WWP1: variants seen among roughly 807,000 people sequenced by gnomAD.
WWP1 encodes the protein WW domain containing E3 ubiquitin protein ligase 1, also known as NEDD4-like E3 ubiquitin-protein ligase WWP1.
Under a neutral mutation model 130.6 loss-of-function variants are expected in WWP1, and 49 were observed. The observed-to-expected ratio is 0.38, with a 90% CI of 0.30 to 0.48. The LOEUF (loss-of-function observed/expected upper bound fraction) is 0.48. Ranked by LOEUF, WWP1 falls within the 20% of genes least tolerant of loss-of-function variation. The probability of loss-of-function intolerance (pLI) is 0.99; values close to 1 mark genes in which losing one functional copy is unlikely to be tolerated. For missense variants in WWP1, 809 were observed against 1,100.6 expected, an observed-to-expected ratio of 0.74 and a Z score of 3.75; for synonymous variants, 332 against 367.8, an observed-to-expected ratio of 0.90 and a Z score of 1.11.
intron 22 of WWP1, among the ~76,000 whole-genome samples, chr8:86,460,908 C>T (rs1326650327): frequency 7.2e-6 from 1 of 139,304 alleles, no homozygotes; most frequent in African/African-American, 2.6e-5. Context: ...CTCCCGGGTT[C>T]ACGCCATTCT....
rs775137795 is a variant in WWP1, at chr8:86,431,595, A to C, written c.1473-20A>C. On this transcript the variant is annotated intron_variant, in intron 13 of 24. Transcript: ENST00000517970. ...GTACCTAGAAAAGGTTCATCTTGTGATTTTAACTTTATCTTTTAGCTTACA... is the reference window on the plus strand; with the variant it reads ...GTACCTAGAAAAGGTTCATCTTGTGCTTTTAACTTTATCTTTTAGCTTACA... 2.5e-6 allele frequency: 4 copies of C among 1,612,898 alleles called. No individual in the cohort carries two copies. The Admixed American group carries it at 5.0e-5, about 20-fold the overall frequency.
chr8:86,444,379 A>C (rs1439139162), intron 18 of WWP1, among the ~76,000 whole-genome samples: 2 of 152,342 alleles, frequency 1.3e-5, no homozygotes, highest in Non-Finnish European at 2.9e-5. Flanking sequence ...AGTTGGAGGT[A>C]TAAGTCTGGC....
chr8:86,424,047 A>G (rs1300936097), intron 9 of WWP1, among the ~76,000 whole-genome samples: 2 of 147,652 alleles, frequency 1.4e-5, no homozygotes, highest in African/African-American at 2.5e-5. Context: ...CACTTCCCAG[A>G]CGGGGCGGCT....
chr8:86,361,730 T>TA (rs1259783444), intron 1 of WWP1, among the ~76,000 whole-genome samples: 3 of 152,030 alleles, frequency 2.0e-5, no homozygotes, highest in African/African-American at 4.8e-5. Context: ...TCTCAACTGT[T>TA]ACCATTTCTC....
intron 14 of WWP1, among the ~76,000 whole-genome samples, chr8:86,433,229 C>CTTTTT (rs11321240): frequency 1.8e-4 from 22 of 119,044 alleles, no homozygotes; most frequent in African/African-American, 3.1e-4. Context: ...TCCTAAGCCT[C>CTTTTT]TTTTTTTTTT....
intron 2 of WWP1, among the ~76,000 whole-genome samples, chr8:86,370,988 C>A (rs1423043214): frequency 1.4e-5 from 2 of 148,024 alleles, no homozygotes; most frequent in African/African-American, 5.0e-5. Flanking sequence ...GCCTCAGCCT[C>A]CTGAGTAGCT....
chr8:86,351,360 G>T (rs947430042), intron 1 of WWP1, among the ~76,000 whole-genome samples: 3 of 152,036 alleles, frequency 2.0e-5, no homozygotes, highest in African/African-American at 7.2e-5. Context: ...TTGAGACAGG[G>T]TCTCCGACAG....
intron 24 of WWP1, among the ~76,000 whole-genome samples, chr8:86,465,227 C>T (rs956288476): frequency 6.6e-6 from 1 of 152,268 alleles, no homozygotes; most frequent in Admixed American, 6.5e-5. Context: ...TTCCTTTCCC[C>T]ACCACAGCCC....
At chr8:86,450,513 A>T (rs2130750741) in intron 20 of WWP1, among the ~76,000 whole-genome samples, 1 of 152,370 alleles carries the variant, frequency 6.6e-6, no homozygotes, top group African/African-American at 2.4e-5. Flanking sequence ...AAATGCTATC[A>T]GTGGTTTCAA....
rs1269432776 is a variant in WWP1, at chr8:86,431,701, G to A, written c.1559G>A (p.Arg520Lys). Residue 520 changes from arginine (R) to lysine (K), a missense_variant, in exon 14 of 25, where the codon AGA becomes AAA. Around this residue, in one of 3 missense-constraint regions of WWP1, gnomAD observed 450 missense variants for 674.2 expected, o/e 0.67. Coordinates refer to ENST00000517970, the MANE Select transcript of WWP1 (RefSeq NM_007013.4). Reference protein sequence around the residue: ...GVRYFVDHNTRTTTFKDPRNG... With the variant: ...GVRYFVDHNTKTTTFKDPRNG... ...AGGTACTTTGTTGATCATAACACAA[G>A]AACAACAACATTCAAAGATCCTCGC... 6.2e-7 allele frequency: 1 copy of A among 1,613,956 alleles called. No individual in the cohort carries two copies.
In WWP1 at chr8:86,442,613, T is replaced by C; in HGVS notation, c.1839-6T>C. On this transcript the variant is annotated splice_polypyrimidine_tract_variant and splice_region_variant and intron_variant, in intron 17 of 24. Transcript: ENST00000517970. ...TAAAAAATAACCTTGACTTATTTTC[T>C]TATAGAGAATGGTTTTTCTTGCTTT... 1 of 1,587,410 alleles carries C rather than the reference T, an allele frequency of 6.3e-7. No homozygotes were observed. The highest frequency in any genetic ancestry group is 8.6e-7 in the Non-Finnish European group (1 of 1,169,540).
At chr8:86,432,720 GCCTC>G (rs1192133705) in intron 14 of WWP1, among the ~76,000 whole-genome samples, 1 of 151,840 alleles carries the variant, frequency 6.6e-6, no homozygotes, top group East Asian at 1.9e-4. Flanking sequence ...CGATTCTCCT[GCCTC>G]AGCCCCCTGA....
intron 21 of WWP1, among the ~76,000 whole-genome samples, chr8:86,455,270 A>G (rs1811373282): frequency 1.3e-5 from 2 of 152,048 alleles, no homozygotes; most frequent in Admixed American, 1.3e-4. Context: ...GTTTGGGAAA[A>G]AGGCAAAGAT....
intron 9 of WWP1, among the ~76,000 whole-genome samples, chr8:86,415,577 C>T (rs544199657): frequency 6.6e-6 from 1 of 152,152 alleles, no homozygotes; most frequent in Admixed American, 6.5e-5. Flanking sequence ...TTGAATGTAC[C>T]ATTATGATGA....
rs117868187 is a variant in WWP1 at position 86,451,655 on chromosome 8, A to G, written c.2274-904A>G. Among the ~76,000 whole-genome samples the G allele has an allele frequency of 7.7e-3, 1,167 of 152,322 alleles. 5 individuals are homozygous for G. Among genetic ancestry groups the G allele is most frequent in the Non-Finnish European group, 0.013 (864 of 68,034 alleles). On this transcript the variant is annotated intron_variant, in intron 20 of 24. Coordinates refer to ENST00000517970, the MANE Select transcript of WWP1 (RefSeq NM_007013.4). ...GTTTTGGAGGCAGCCTTAGAAAAGC[A>G]TAAGGCCAGCTTCCTCTAGAAAGCA...
intron 8 of WWP1, among the ~76,000 whole-genome samples, chr8:86,403,279 G>A (rs914740930): frequency 2.6e-5 from 4 of 152,130 alleles, no homozygotes; most frequent in Non-Finnish European, 5.9e-5. Context: ...CATTAAAATA[G>A]ATGGATCTTT....
chr8:86,424,471 T>C (rs562573674), intron 9 of WWP1, among the ~76,000 whole-genome samples: 430 of 150,198 alleles, frequency 2.9e-3, no homozygotes, highest in African/African-American at 9.8e-3. Flanking sequence ...AGGTGGAGGT[T>C]GTAGCTAGCC....
At chr8:86,427,225 C>T (rs1438388375) in intron 10 of WWP1, among the ~76,000 whole-genome samples, 1 of 151,676 alleles carries the variant, frequency 6.6e-6, no homozygotes, top group African/African-American at 2.4e-5. Flanking sequence ...CATTCAGTGG[C>T]CTCTTTTTAG....
In WWP1 at chr8:86,438,716, C is replaced by T. The variant is rs762692901; in HGVS notation, c.1838+43C>T. 9.0e-6 allele frequency: 13 copies of T among 1,444,948 alleles called. No homozygotes were observed. The South Asian group carries it at 1.4e-4, about 16-fold the overall frequency. 89.5% of individuals were successfully genotyped at this position (1,444,948 alleles called of 1,614,324 possible). A position where few individuals can be genotyped will look rare whatever the true frequency, so the allele number is the denominator to read the frequency against. ...TATCTGCCTTGAAATAAGTATATCT[C>T]ATTGTATACAGGGAAAGTATTCTTC... is the stretch of plus-strand genomic sequence containing the variant. On this transcript the variant is annotated intron_variant, in intron 17 of 24. Transcript: ENST00000517970.
Sources: allele counts gnomAD v4.1 joint callset (sites outside exome capture counted in the v4.1 genomes callset), GRCh38; gene constraint gnomAD v4.1.1; regional missense constraint gnomAD v4.1.1; transcripts MANE v1.5; gene names NCBI Gene and HGNC (gene_info 2026-07-23, HGNC 2026-07-21).